Variants in SNX29 observed in about 807,000 individuals in gnomAD.
The protein encoded by SNX29 is sorting nexin 29.
In SNX29, 78 loss-of-function variants were observed where a neutral mutation model predicts 102.1. The observed-to-expected ratio is 0.76, with a 90% CI of 0.64 to 0.92. SNX29 has a LOEUF of 0.92. Ranked by LOEUF, SNX29 falls within the 40% of genes least tolerant of loss-of-function variation. SNX29 has a pLI of 0.00. For missense variants in SNX29, 1,280 were observed against 1,061.7 expected, an observed-to-expected ratio of 1.21 and a Z score of -2.86; for synonymous variants, 580 against 414.5, an observed-to-expected ratio of 1.40 and a Z score of -4.85.
At chr16:12,559,046 C>T (rs574271408) in intron 20 of SNX29, among the ~76,000 whole-genome samples, 10 of 152,256 alleles carry the variant, frequency 6.6e-5, no homozygotes, top group East Asian at 1.9e-4. Context: ...ATTCACACAT[C>T]GTAACTGCAA....
chr16:12,454,277 G>A (rs1021942688), intron 18 of SNX29, among the ~76,000 whole-genome samples: 3 of 152,184 alleles, frequency 2.0e-5, no homozygotes, highest in African/African-American at 7.2e-5. Context: ...GCAGAAAGAT[G>A]GACGGCCTCA....
At chr16:12,332,725 T>G (rs1464901730) in intron 15 of SNX29, among the ~76,000 whole-genome samples, 1 of 152,164 alleles carries the variant, frequency 6.6e-6, no homozygotes, top group Admixed American at 6.5e-5. Flanking sequence ...TCTCTTATCC[T>G]CCCAGCCTGA....
At chr16:12,162,795 C>T (rs1261375460) in intron 13 of SNX29, among the ~76,000 whole-genome samples, 1 of 152,166 alleles carries the variant, frequency 6.6e-6, no homozygotes, top group Non-Finnish European at 1.5e-5. Flanking sequence ...CCCAGGAATG[C>T]CTGTTCCATG....
At chr16:12,302,403 T>C (rs188540583) in intron 15 of SNX29, among the ~76,000 whole-genome samples, 19 of 152,372 alleles carry the variant, frequency 1.2e-4, no homozygotes, top group Non-Finnish European at 2.2e-4. Context: ...CAGGCTATTT[T>C]AACAAAATAC....
intron 9 of SNX29, among the ~76,000 whole-genome samples, chr16:12,066,008 C>T (rs1252184615): frequency 6.6e-6 from 1 of 152,112 alleles, no homozygotes; most frequent in Admixed American, 6.6e-5. Context: ...AGCGTCAGGC[C>T]CACAACAAGT....
intron 13 of SNX29, among the ~76,000 whole-genome samples, chr16:12,186,491 G>T (rs960760472): frequency 6.6e-6 from 1 of 152,124 alleles, no homozygotes; most frequent in Non-Finnish European, 1.5e-5. Context: ...TTCCTTACAC[G>T]ACCGCAGTGT....
intron 14 of SNX29, among the ~76,000 whole-genome samples, chr16:12,206,969 C>T (rs2077060776): frequency 6.6e-6 from 1 of 152,256 alleles, no homozygotes; most frequent in South Asian, 2.1e-4. Context: ...CTCTCTGATT[C>T]TTGGCCAGTA....
At chr16:12,306,419 G>T (rs567474436) in intron 15 of SNX29, among the ~76,000 whole-genome samples, 1 of 151,932 alleles carries the variant, frequency 6.6e-6, no homozygotes, top group South Asian at 2.1e-4. Context: ...ATGTCCTCCA[G>T]TATAAAACGA....
At chr16:12,562,252 A>C (rs1243074349) in intron 20 of SNX29, among the ~76,000 whole-genome samples, 2 of 152,166 alleles carry the variant, frequency 1.3e-5, no homozygotes, top group Non-Finnish European at 2.9e-5. Flanking sequence ...GAGGGCATTC[A>C]CTAAGCAGCA....
chr16:12,050,614 C>T (rs1013393862), intron 7 of SNX29, among the ~76,000 whole-genome samples: 5 of 152,118 alleles, frequency 3.3e-5, no homozygotes, highest in Non-Finnish European at 5.9e-5. Flanking sequence ...GCTGAACTGG[C>T]TTCTTTATAT....
chr16:12,450,415 C>G (rs1361379924), intron 18 of SNX29, among the ~76,000 whole-genome samples: 2 of 152,190 alleles, frequency 1.3e-5, no homozygotes, highest in African/African-American at 2.4e-5. Flanking sequence ...ATGGGATCAA[C>G]TTGACTTCAA....
At chr16:12,338,165 A>G (rs533333320) in intron 15 of SNX29, among the ~76,000 whole-genome samples, 5 of 152,232 alleles carry the variant, frequency 3.3e-5, no homozygotes, top group African/African-American at 9.6e-5. Context: ...AGGCGGATCA[A>G]TTGTTTAGAC....
Position 12,051,890 on chromosome 16 carries a change from C to G in SNX29, c.792C>G (p.Thr264=), listed in dbSNP as rs1343610976. The change falls in exon 8 of 21, where the codon ACC becomes ACG. Residue 264 remains threonine (T), a synonymous_variant. Coordinates refer to ENST00000566228, the MANE Select transcript of SNX29 (RefSeq NM_032167.5). ...KKERKKKKKV[T]NIISFDDEED... ...AGCGGAAGAAGAAAAAGAAAGTGAC[C>G]AACATAATCTCATTTGATGATGAGG... 12 of 1,612,866 alleles carry G rather than the reference C, an allele frequency of 7.4e-6. No homozygotes were observed. The highest frequency in any genetic ancestry group is 1.0e-5 in the Non-Finnish European group (12 of 1,179,728).
chr16:12,488,367 C>T (rs1053625962), intron 19 of SNX29, among the ~76,000 whole-genome samples: 2 of 152,022 alleles, frequency 1.3e-5, no homozygotes, highest in African/African-American at 2.4e-5. Context: ...AAACATGAGC[C>T]GCCCTTCCCT....
intron 8 of SNX29, among the ~76,000 whole-genome samples, chr16:12,058,824 T>C (rs1215242843): frequency 2.5e-4 from 29 of 113,762 alleles, no homozygotes; most frequent in East Asian, 2.4e-4. Flanking sequence ...TTTTTTTTTT[T>C]CTCTGTGGCC....
At chr16:12,409,395 C>T (rs1321444003) in intron 18 of SNX29, among the ~76,000 whole-genome samples, 1 of 150,378 alleles carries the variant, frequency 6.6e-6, no homozygotes, top group East Asian at 1.9e-4. Flanking sequence ...AATTCCCTGA[C>T]TCCAAACGGG....
intron 13 of SNX29, among the ~76,000 whole-genome samples, chr16:12,175,869 C>T: frequency 6.6e-6 from 1 of 151,906 alleles, no homozygotes. Flanking sequence ...AAAAATTAGC[C>T]ATGGACTACC....
rs546846995 is a variant in SNX29, at chr16:12,042,799, G to A, written c.248-98G>A. The A allele has an allele frequency of 1.1e-4, 143 of 1,274,678 alleles. 1 individual carries two copies. In the African/African-American group the frequency reaches 1.8e-3, roughly 16 times the overall value. 79.0% of individuals were successfully genotyped at this position (1,274,678 alleles called of 1,614,324 possible). On this transcript the variant is annotated intron_variant, in intron 4 of 20. Transcript: ENST00000566228. The stretch of plus-strand genomic sequence containing the variant: ...CTTTTCCATGCTAAGGGGATACTCT[G>A]TTACAATCTCCAACTTCGCCTAGAG...
At chr16:12,086,160 C>T (rs901085220) in intron 11 of SNX29, among the ~76,000 whole-genome samples, 12 of 151,982 alleles carry the variant, frequency 7.9e-5, no homozygotes, top group South Asian at 4.2e-4. Context: ...CCCGCCACCA[C>T]GCCTGGCTAA....
Sources: allele counts gnomAD v4.1 joint callset (sites outside exome capture counted in the v4.1 genomes callset), GRCh38; gene constraint gnomAD v4.1.1; transcripts MANE v1.5; gene names NCBI Gene and HGNC (gene_info 2026-07-23, HGNC 2026-07-21).